ANGPT1: variants seen among roughly 807,000 people sequenced by gnomAD.
ANGPT1 encodes angiopoietin 1.
In ANGPT1, 17 loss-of-function variants were observed where a neutral mutation model predicts 62.2. The ratio of observed to expected loss-of-function variants is 0.27; its 90% CI spans 0.19 to 0.41. The LOEUF is 0.41. Among genes scored for constraint, ANGPT1 ranks in the 10% least tolerant of loss-of-function variants. ANGPT1 has a pLI of 1.00. For synonymous variants in ANGPT1, 199 were observed against 198.9 expected (o/e 1.00, Z 0.00); for missense variants, 478 against 594.9 (o/e 0.80, Z 2.04).
chr8:107,348,488 TATAAG>T (rs1484492646), intron 1 of ANGPT1, among the ~76,000 whole-genome samples: 2 of 152,240 alleles, frequency 1.3e-5, no homozygotes, highest in African/African-American at 4.8e-5. Context: ...TCTTGGCCAA[TATAAG>T]ATAATTCCCC....
chr8:107,353,219 G>T (rs1478577033), intron 1 of ANGPT1, among the ~76,000 whole-genome samples: 4 of 152,194 alleles, frequency 2.6e-5, no homozygotes, highest in Admixed American at 6.5e-5. Flanking sequence ...AGCTGAAAGA[G>T]ACATTAAATA....
chr8:107,275,015 C>G (rs1330479308), intron 7 of ANGPT1, among the ~76,000 whole-genome samples: 1 of 151,940 alleles, frequency 6.6e-6, no homozygotes, highest in African/African-American at 2.4e-5. Flanking sequence ...ACGAAGAGCT[C>G]TATGGACTGA....
At chr8:107,428,632 TTGTGTGTG>T (rs140085272) in intron 1 of ANGPT1, among the ~76,000 whole-genome samples, 2 of 149,220 alleles carry the variant, frequency 1.3e-5, no homozygotes, top group Non-Finnish European at 3.0e-5. Context: ...TTTTTTCATT[TTGTGTGTG>T]TGTGTGTGTG....
chr8:107,403,379 T>C (rs1036163446), intron 1 of ANGPT1, among the ~76,000 whole-genome samples: 4 of 152,136 alleles, frequency 2.6e-5, no homozygotes, highest in Admixed American at 2.0e-4. Context: ...AGAACGTGAA[T>C]AACTGTTATT....
intron 1 of ANGPT1, among the ~76,000 whole-genome samples, chr8:107,417,174 C>T (rs1810773231): frequency 6.6e-6 from 1 of 152,064 alleles, no homozygotes; most frequent in South Asian, 2.1e-4. Context: ...TAAAAAGGGA[C>T]ATGGGAGTTA....
intron 8 of ANGPT1, among the ~76,000 whole-genome samples, chr8:107,261,682 GT>G (rs1327502576): frequency 2.6e-5 from 4 of 151,172 alleles, no homozygotes; most frequent in Non-Finnish European, 4.4e-5. Context: ...TCCAGCCTGG[GT>G]GACAGAGCAA....
At chr8:107,277,892 G>A (rs895415713) in intron 7 of ANGPT1, among the ~76,000 whole-genome samples, 4 of 152,122 alleles carry the variant, frequency 2.6e-5, no homozygotes, top group African/African-American at 4.8e-5. Flanking sequence ...AATGCAATGA[G>A]TGAAGCTGGA....
At chr8:107,381,435 C>T (rs1009480122) in intron 1 of ANGPT1, among the ~76,000 whole-genome samples, 1 of 152,154 alleles carries the variant, frequency 6.6e-6, no homozygotes, top group African/African-American at 2.4e-5. Context: ...GCTCACTGAA[C>T]CCCTGCTTCA....
intron 1 of ANGPT1, among the ~76,000 whole-genome samples, chr8:107,422,094 T>A (rs1810910270): frequency 1.3e-5 from 2 of 152,310 alleles, no homozygotes; most frequent in East Asian, 3.9e-4. Context: ...CAAATGAGAA[T>A]ACTTCATTCC....
intron 1 of ANGPT1, among the ~76,000 whole-genome samples, chr8:107,496,941 C>T (rs752887665): frequency 6.6e-6 from 1 of 152,140 alleles, no homozygotes; most frequent in Non-Finnish European, 1.5e-5. Context: ...TTAAGAGGTA[C>T]ATACTTTCTT....
chr8:107,267,797 C>T (rs973709890), intron 7 of ANGPT1, among the ~76,000 whole-genome samples: 7 of 152,036 alleles, frequency 4.6e-5, no homozygotes, highest in Admixed American at 2.6e-4. Flanking sequence ...CCACCCTAAC[C>T]CTCCCATATC....
At chr8:107,455,016 T>C (rs1341035674) in intron 1 of ANGPT1, among the ~76,000 whole-genome samples, 1 of 152,024 alleles carries the variant, frequency 6.6e-6, no homozygotes, top group African/African-American at 2.4e-5. Flanking sequence ...TCTTCCTCTC[T>C]GGCCACTTTC....
chr8:107,426,387 G>A (rs1452434697), intron 1 of ANGPT1, among the ~76,000 whole-genome samples: 2 of 152,202 alleles, frequency 1.3e-5, no homozygotes, highest in African/African-American at 4.8e-5. Context: ...GTGGGCGGGT[G>A]ATCCAAGGTT....
intron 1 of ANGPT1, among the ~76,000 whole-genome samples, chr8:107,367,444 T>C (rs931085905): frequency 4.6e-5 from 7 of 152,186 alleles, no homozygotes; most frequent in African/African-American, 1.7e-4. Flanking sequence ...GGGTGATGAT[T>C]GCTAAAGGTT....
intron 1 of ANGPT1, among the ~76,000 whole-genome samples, chr8:107,363,289 A>T (rs1816205450): frequency 1.3e-5 from 2 of 152,226 alleles, no homozygotes; most frequent in African/African-American, 4.8e-5. Flanking sequence ...TAAATGTCAG[A>T]TACTTATACT....
chr8:107,391,720 A>G (rs1219792533), intron 1 of ANGPT1, among the ~76,000 whole-genome samples: 2 of 152,178 alleles, frequency 1.3e-5, no homozygotes, highest in African/African-American at 2.4e-5. Flanking sequence ...AGAATCATAG[A>G]TGGGATAGCC....
At chr8:107,450,978 C>T (rs185071644) in intron 1 of ANGPT1, among the ~76,000 whole-genome samples, 142 of 151,720 alleles carry the variant, frequency 9.4e-4, no homozygotes, top group Middle Eastern at 3.4e-3. Flanking sequence ...TTTACTAGAA[C>T]GTATTGTAAA....
chr8:107,423,008 G>T (rs568721156), intron 1 of ANGPT1, among the ~76,000 whole-genome samples: 9 of 152,242 alleles, frequency 5.9e-5, no homozygotes, highest in African/African-American at 1.7e-4. Context: ...TCACAAAAGG[G>T]ATTAATATTA....
Position 107,370,334 on chromosome 8 carries a change from GAAAGAAAA to G in ANGPT1, c.298-23245_298-23238del, listed in dbSNP as rs1228395490. ...AGGAAGGAAGGAAAGAGAAAGGAAA[GAAAGAAAA>G]AGAAAGAAAGAAAGAAAGAAAGAAA... On this transcript the variant is annotated intron_variant, in intron 1 of 8. Transcript: ENST00000517746. Among the ~76,000 whole-genome samples the G allele has an allele frequency of 7.4e-3, 238 of 32,140 alleles. 53 individuals are homozygous for G. Among genetic ancestry groups the G allele is most frequent in the Middle Eastern group, 0.033 (2 of 60 alleles). The allele number at this position is 32,140 out of a possible 152,430, so 21.1% of individuals were successfully genotyped here.
Sources: allele counts gnomAD v4.1 joint callset (sites outside exome capture counted in the v4.1 genomes callset), GRCh38; gene constraint gnomAD v4.1.1; transcripts MANE v1.5; gene names NCBI Gene and HGNC (gene_info 2026-07-23, HGNC 2026-07-21).